Variants in TAFA2 observed in about 807,000 individuals in gnomAD.
TAFA2 encodes the protein chemokine-like protein TAFA-2.
Under a neutral mutation model 18.8 loss-of-function variants are expected in TAFA2, and 7 were observed. The ratio of observed to expected loss-of-function variants is 0.37; its 90% CI spans 0.21 to 0.70. The LOEUF is 0.70. Ranked by LOEUF, TAFA2 falls within the 30% of genes least tolerant of loss-of-function variation. The pLI, the probability that TAFA2 is intolerant of heterozygous loss-of-function variation, is 0.53. For missense variants in TAFA2, 122 were observed against 158.1 expected (o/e 0.77, Z 1.23); for synonymous variants, 60 against 54.2 (o/e 1.11, Z -0.47).
At chr12:61,713,114 G>T (rs1478861244) in intron 4 of TAFA2, among the ~76,000 whole-genome samples, 1 of 152,112 alleles carries the variant, frequency 6.6e-6, no homozygotes, top group African/African-American at 2.4e-5. Flanking sequence ...CAGCCTAAAG[G>T]TTTCTCTGTA....
In TAFA2 at chr12:61,840,784, T is replaced by C. The variant is rs143075218; in HGVS notation, c.106+26536A>G. 7.7e-4 allele frequency among the ~76,000 whole-genome samples: 117 copies of C among 152,068 alleles called. 4 individuals carry two copies. The Middle Eastern group carries it at 0.014, about 18-fold the overall frequency. On this transcript the variant is annotated intron_variant, in intron 2 of 4. Coordinates refer to ENST00000416284, the MANE Select transcript of TAFA2 (RefSeq NM_178539.5). ...TGAATTCAATTTCTCTTCAACACAG[T>C]GGGAAAGTGAGGATGGTGGTAGACA...
At chr12:62,193,417 T>C (rs1162870841), upstream of TAFA2, among the ~76,000 whole-genome samples, 2 of 152,190 alleles carry the variant, frequency 1.3e-5, no homozygotes, top group African/African-American at 4.8e-5. Context: ...TCTGTGCTTT[T>C]ATATAGCTGT....
chr12:62,042,241 C>G (rs1475062731), intron 1 of TAFA2, among the ~76,000 whole-genome samples: 1 of 151,992 alleles, frequency 6.6e-6, no homozygotes, highest in African/African-American at 2.4e-5. Flanking sequence ...TGCTCAGTGT[C>G]TAGGTCAATC....
At chr12:61,924,751 A>G (rs1347289298) in intron 1 of TAFA2, among the ~76,000 whole-genome samples, 1 of 152,204 alleles carries the variant, frequency 6.6e-6, no homozygotes, top group Non-Finnish European at 1.5e-5. Context: ...ATTAATCTCA[A>G]AAGTAAATGG....
chr12:61,951,782 T>C (rs1565693515), intron 1 of TAFA2, among the ~76,000 whole-genome samples: 1 of 152,102 alleles, frequency 6.6e-6, no homozygotes, highest in Non-Finnish European at 1.5e-5. Flanking sequence ...ATAATTTCTT[T>C]GGTACCTCTA....
intron 1 of TAFA2, among the ~76,000 whole-genome samples, chr12:62,082,338 T>C (rs2136821706): frequency 6.6e-6 from 1 of 152,334 alleles, no homozygotes. Context: ...CAAATGGTAT[T>C]TCTGCCTCTA....
At chr12:62,054,395 G>A (rs976142451) in intron 1 of TAFA2, among the ~76,000 whole-genome samples, 2 of 152,100 alleles carry the variant, frequency 1.3e-5, no homozygotes, top group Non-Finnish European at 2.9e-5. Context: ...CAAAATTAAA[G>A]TTCCAGGACA....
At chr12:61,741,772 C>T (rs1185259819) in intron 4 of TAFA2, among the ~76,000 whole-genome samples, 1 of 152,026 alleles carries the variant, frequency 6.6e-6, no homozygotes, top group African/African-American at 2.4e-5. Context: ...AATCTGAATC[C>T]CCAAAATCTA....
chr12:62,179,033 A>G (rs1293108894), intron 1 of TAFA2, among the ~76,000 whole-genome samples: 1 of 152,220 alleles, frequency 6.6e-6, no homozygotes, highest in Non-Finnish European at 1.5e-5. Flanking sequence ...CCATTTTACA[A>G]TATCAAAAGA....
Position 61,725,989 on chromosome 12 carries a change from T to G in TAFA2, c.385-15572A>C, listed in dbSNP as rs141735929. Among the ~76,000 whole-genome samples, 869 of 150,200 alleles carry G rather than the reference T, an allele frequency of 5.8e-3. 7 individuals are homozygous for G. The highest frequency in any genetic ancestry group is 0.02 in the African/African-American group (826 of 41,034). ...TAGTGTACACTCTTTGGGTAATGGG[T>G]GCACAAAAATCTGAGAAGAGTTTCT... is the stretch of plus-strand genomic sequence containing the variant. On this transcript the variant is annotated intron_variant, in intron 4 of 4. Transcript: ENST00000416284.
intron 2 of TAFA2, among the ~76,000 whole-genome samples, chr12:61,835,417 G>C (rs116627984): frequency 0.018 from 2,720 of 152,054 alleles, 79 homozygotes; most frequent in African/African-American, 0.063. Context: ...TTGCAGGTTT[G>C]CTACATGAGT....
At chr12:62,019,819 TA>T (rs35084362) in intron 1 of TAFA2, among the ~76,000 whole-genome samples, 53,726 of 151,692 alleles carry the variant, frequency 0.35, 9,933 homozygotes, top group Non-Finnish European at 0.39. Context: ...TAAAGTATAA[TA>T]AAAAAATTTA....
At chr12:62,125,871 G>A (rs1434601628) in intron 1 of TAFA2, among the ~76,000 whole-genome samples, 1 of 151,970 alleles carries the variant, frequency 6.6e-6, no homozygotes, top group East Asian at 1.9e-4. Flanking sequence ...GATAATAATA[G>A]TACTACTCAT....
At chr12:62,105,610 A>G (rs1869412566) in intron 1 of TAFA2, among the ~76,000 whole-genome samples, 1 of 152,204 alleles carries the variant, frequency 6.6e-6, no homozygotes, top group Non-Finnish European at 1.5e-5. Flanking sequence ...CAAAATTTCA[A>G]ATCAGTGCTC....
chr12:61,771,794 A>G (rs957491864), intron 2 of TAFA2, among the ~76,000 whole-genome samples: 11 of 151,916 alleles, frequency 7.2e-5, no homozygotes, highest in African/African-American at 2.4e-4. Flanking sequence ...GAGCACAAAT[A>G]AGCAATCTAA....
At chr12:62,116,782 A>C (rs180834768) in intron 1 of TAFA2, among the ~76,000 whole-genome samples, 27 of 152,272 alleles carry the variant, frequency 1.8e-4, no homozygotes, top group African/African-American at 5.3e-4. Flanking sequence ...TAATGGGCTG[A>C]TCTGTGTTCC....
chr12:61,978,610 T>C (rs1879520457), intron 1 of TAFA2, among the ~76,000 whole-genome samples: 1 of 152,010 alleles, frequency 6.6e-6, no homozygotes, highest in Admixed American at 6.6e-5. Flanking sequence ...TTCTCAGTGG[T>C]GCTCAGCATT....
rs180838015 is a variant in TAFA2, at chr12:61,825,552, T to A, written c.106+41768A>T. On this transcript the variant is annotated intron_variant, in intron 2 of 4. Transcript: ENST00000416284. Reference sequence around the variant, plus strand: ...AAACCGCTAAAACTGCACTTTCAGATGAGTGTTGGGTTTATGATGGGTAAA... The same window carrying A: ...AAACCGCTAAAACTGCACTTTCAGAAGAGTGTTGGGTTTATGATGGGTAAA... Among the ~76,000 whole-genome samples, 5 of 152,108 alleles carry A rather than the reference T, an allele frequency of 3.3e-5. No homozygotes were observed. The East Asian group carries it at 7.8e-4, about 24-fold the overall frequency.
chr12:61,840,760 G>A (rs184974855), intron 2 of TAFA2, among the ~76,000 whole-genome samples: 47 of 152,060 alleles, frequency 3.1e-4, no homozygotes, highest in African/African-American at 1.1e-3. Flanking sequence ...TAGAGGGGTT[G>A]AATTCAATTT....
Sources: gnomAD v4.1 joint callset for allele counts (sites outside exome capture counted in the v4.1 genomes callset) on GRCh38, gnomAD v4.1.1 for gene constraint, MANE v1.5 for transcripts, NCBI Gene and HGNC (gene_info 2026-07-23, HGNC 2026-07-21) for gene names.